NKAIN2: variants seen among roughly 807,000 people sequenced by gnomAD.
The protein encoded by NKAIN2 is sodium/potassium transporting ATPase interacting 2.
In NKAIN2, 14 loss-of-function variants were observed where a neutral mutation model predicts 32.6. That is an observed-to-expected ratio of 0.43 (90% CI 0.28 to 0.67). The LOEUF (loss-of-function observed/expected upper bound fraction) is 0.67. NKAIN2 is among the 30% of genes least tolerant of loss of function. The pLI is 0.17. For synonymous variants in NKAIN2, 80 were observed against 87.2 expected (o/e 0.92, Z 0.46); for missense variants, 198 against 258.3 (o/e 0.77, Z 1.60).
chr6:124,212,267 T>G (rs1791221253), intron 1 of NKAIN2, among the ~76,000 whole-genome samples: 1 of 152,124 alleles, frequency 6.6e-6, no homozygotes, highest in Non-Finnish European at 1.5e-5. Context: ...GTTTTAAAAG[T>G]AATATATGAT....
At chr6:124,014,615 C>T (rs1280081217) in intron 1 of NKAIN2, among the ~76,000 whole-genome samples, 2 of 151,774 alleles carry the variant, frequency 1.3e-5, no homozygotes, top group African/African-American at 4.8e-5. Flanking sequence ...CCCTTTCTTT[C>T]TTCACAGACT....
At chr6:124,394,873 A>T (rs1305716831) in intron 3 of NKAIN2, among the ~76,000 whole-genome samples, 1 of 152,174 alleles carries the variant, frequency 6.6e-6, no homozygotes, top group Non-Finnish European at 1.5e-5. Flanking sequence ...TCAAATTAAC[A>T]TATAAAGTTA....
At chr6:124,381,523 C>T (rs1772634552) in intron 3 of NKAIN2, among the ~76,000 whole-genome samples, 1 of 152,042 alleles carries the variant, frequency 6.6e-6, no homozygotes, top group Non-Finnish European at 1.5e-5. Flanking sequence ...ATTTTGAGGC[C>T]TGCGTGTTAC....
chr6:124,455,245 T>C (rs1335191746), intron 3 of NKAIN2, among the ~76,000 whole-genome samples: 3 of 152,034 alleles, frequency 2.0e-5, no homozygotes, highest in Non-Finnish European at 2.9e-5. Flanking sequence ...ATAGTCACTA[T>C]AAAGATGTTG....
At chr6:124,331,478 A>G (rs1797659721) in intron 2 of NKAIN2, among the ~76,000 whole-genome samples, 3 of 149,476 alleles carry the variant, frequency 2.0e-5, no homozygotes, top group Admixed American at 1.3e-4. Flanking sequence ...GCAGTGAGCC[A>G]AGATCATGCC....
At chr6:124,147,180 G>A (rs1359372941) in intron 1 of NKAIN2, among the ~76,000 whole-genome samples, 2 of 152,026 alleles carry the variant, frequency 1.3e-5, no homozygotes, top group African/African-American at 2.4e-5. Flanking sequence ...GGCATGCTGC[G>A]GACTTTTAGA....
intron 6 of NKAIN2, among the ~76,000 whole-genome samples, chr6:124,821,497 C>G (rs1010736802): frequency 2.0e-5 from 3 of 151,938 alleles, no homozygotes; most frequent in African/African-American, 7.2e-5. Context: ...AAATTCAAAT[C>G]AAGCATTTAT....
chr6:124,255,757 T>C (rs1259940028), intron 1 of NKAIN2, among the ~76,000 whole-genome samples: 1 of 152,200 alleles, frequency 6.6e-6, no homozygotes, highest in Non-Finnish European at 1.5e-5. Flanking sequence ...CAAACCATAA[T>C]TGAAACCATC....
At chr6:124,211,218 T>A (rs545137863) in intron 1 of NKAIN2, among the ~76,000 whole-genome samples, 5 of 151,978 alleles carry the variant, frequency 3.3e-5, no homozygotes, top group African/African-American at 1.2e-4. Flanking sequence ...TTACTTGGAT[T>A]TTTTCCTTCC....
intron 1 of NKAIN2, among the ~76,000 whole-genome samples, chr6:123,924,959 A>G (rs534936215): frequency 3.0e-4 from 46 of 152,258 alleles, no homozygotes; most frequent in Non-Finnish European, 6.2e-4. Context: ...TGAATAAAAT[A>G]TCATGATTAT....
At chr6:124,437,377 A>T (rs1775493450) in intron 3 of NKAIN2, among the ~76,000 whole-genome samples, 1 of 152,246 alleles carries the variant, frequency 6.6e-6, no homozygotes, top group South Asian at 2.1e-4. Flanking sequence ...AGTTTGACCA[A>T]GTAAATAATT....
chr6:123,990,261 A>G (rs1222306656), intron 1 of NKAIN2, among the ~76,000 whole-genome samples: 1 of 152,148 alleles, frequency 6.6e-6, no homozygotes, highest in Non-Finnish European at 1.5e-5. Flanking sequence ...TCAAGATGAG[A>G]TTTTGGGTGG....
intron 4 of NKAIN2, among the ~76,000 whole-genome samples, chr6:124,664,359 ATGT>A (rs1461842456): frequency 1.3e-5 from 2 of 152,058 alleles, no homozygotes; most frequent in African/African-American, 2.4e-5. Context: ...ATTTATAATA[ATGT>A]TGTTTTGATC....
chr6:123,971,301 CA>C (rs1462423491), intron 1 of NKAIN2, among the ~76,000 whole-genome samples: 2 of 151,772 alleles, frequency 1.3e-5, no homozygotes, highest in African/African-American at 4.8e-5. Flanking sequence ...ATATCTTTCA[CA>C]AGTAACATTT....
intron 1 of NKAIN2, among the ~76,000 whole-genome samples, chr6:123,961,040 T>C (rs924776488): frequency 2.0e-5 from 3 of 152,150 alleles, no homozygotes; most frequent in African/African-American, 7.2e-5. Flanking sequence ...AGGCAACTAC[T>C]GTGACAGATG....
At chr6:124,406,878 C>T (rs1357648754) in intron 3 of NKAIN2, among the ~76,000 whole-genome samples, 1 of 151,992 alleles carries the variant, frequency 6.6e-6, no homozygotes, top group Admixed American at 6.6e-5. Context: ...ATCTATATAT[C>T]TTCTTTCATG....
intron 4 of NKAIN2, among the ~76,000 whole-genome samples, chr6:124,683,331 AC>A: frequency 6.6e-6 from 1 of 152,138 alleles, no homozygotes; most frequent in South Asian, 2.1e-4. Context: ...TTTTAATGAG[AC>A]TTTCTCTATA....
intron 1 of NKAIN2, among the ~76,000 whole-genome samples, chr6:124,131,967 G>A (rs1276122002): frequency 6.6e-6 from 1 of 152,200 alleles, no homozygotes; most frequent in Non-Finnish European, 1.5e-5. Flanking sequence ...GAGGAGAGGT[G>A]TGGCCTGAAA....
intron 1 of NKAIN2, among the ~76,000 whole-genome samples, chr6:124,274,737 CA>C (rs1410299018): frequency 6.6e-6 from 1 of 151,594 alleles, no homozygotes; most frequent in African/African-American, 2.4e-5. Context: ...AATAACTACT[CA>C]ATATATATTA....
Sources: allele counts gnomAD v4.1 joint callset (sites outside exome capture counted in the v4.1 genomes callset), GRCh38; gene constraint gnomAD v4.1.1; transcripts MANE v1.5; gene names NCBI Gene and HGNC (gene_info 2026-07-23, HGNC 2026-07-21).